The following JDP2 variants were observed in gnomAD, a reference collection of about 807,000 sequenced individuals.
JDP2 encodes the protein Jun dimerization protein 2, also known as progesterone receptor co-activator.
JDP2 carries 9 observed loss-of-function variants against 17.1 expected under a neutral mutation model. The ratio of observed to expected loss-of-function variants is 0.53; its 90% CI spans 0.32 to 0.92. The LOEUF (loss-of-function observed/expected upper bound fraction) is 0.92. JDP2 is among the 40% of genes least tolerant of loss of function. The pLI is 0.04. For missense variants in JDP2, 179 were observed against 220.0 expected, an observed-to-expected ratio of 0.81 and a Z score of 1.18; for synonymous variants, 107 against 95.6, an observed-to-expected ratio of 1.12 and a Z score of -0.69.
chr14:75,468,416 C>G lies in JDP2; in HGVS notation c.307-874C>G, dbSNP rs540070714. 2.0e-5 allele frequency among the ~76,000 whole-genome samples: 3 copies of G among 152,292 alleles called. No individual in the cohort carries two copies. In the East Asian group the frequency reaches 5.8e-4, roughly 29 times the overall value. ...GCTGGCCCTCGAATAAATGCCAAGT[C>G]TCAAAGTTTTCAGACATAATCCAAG... On this transcript the variant is annotated intron_variant, in intron 3 of 3. Coordinates refer to ENST00000651602, the MANE Select transcript of JDP2 (RefSeq NM_001135048.2).
chr14:75,432,339 A>G, intron 1 of JDP2: 1 of 1,551,510 alleles, frequency 6.4e-7, no homozygotes, highest in South Asian at 1.2e-5. Flanking sequence ...GGTAGCAGGT[A>G]CTATGCGCCA....
intron 1 of JDP2, among the ~76,000 whole-genome samples, chr14:75,435,404 ATC>A (rs1326734981): frequency 2.0e-5 from 3 of 152,126 alleles, no homozygotes; most frequent in African/African-American, 7.2e-5. Flanking sequence ...CTAAACCTGG[ATC>A]TCCATGGGGG....
chr14:75,472,689 C>T lies in JDP2; in HGVS notation c.*3214C>T, dbSNP rs1303494300. ...AAAGTGTTTTGTGAAATAAAAGCTC[C>T]CTAAAATGGTAATTATTTTGTCCTC... On this transcript the variant is annotated 3_prime_UTR_variant, in exon 4 of 4. Coordinates refer to ENST00000651602, the MANE Select transcript of JDP2 (RefSeq NM_001135048.2). 6.6e-6 allele frequency: 1 copy of T among 152,164 alleles called. No individual in the cohort carries two copies. Among genetic ancestry groups the T allele is most frequent in the African/African-American group, 2.4e-5 (1 of 41,420 alleles). 9.4% of individuals were successfully genotyped at this position (152,164 alleles called of 1,614,324 possible).
At chr14:75,427,117 C>T (rs1170345113), upstream of JDP2, 2 of 152,484 alleles carry the variant, frequency 1.3e-5, no homozygotes, top group Non-Finnish European at 2.9e-5. This position sits in a 1 kb window ranked among gnomAD's most constrained non-coding sequence, Gnocchi z 4.4. Context: ...TCACCATTTC[C>T]TCTCTAGAAG....
At chr14:75,432,954 C>A (rs1884877357) in intron 1 of JDP2, among the ~76,000 whole-genome samples, 1 of 151,894 alleles carries the variant, frequency 6.6e-6, no homozygotes, top group African/African-American at 2.4e-5. Flanking sequence ...GTAATCCCAG[C>A]ACTTTGGGAG....
chr14:75,464,959 C>T (rs1353839684), intron 3 of JDP2, among the ~76,000 whole-genome samples: 1 of 152,250 alleles, frequency 6.6e-6, no homozygotes, highest in African/African-American at 2.4e-5. Context: ...TGCTATCTCA[C>T]ACTCCCGTGG....
rs577708532 is a variant in JDP2 at position 75,470,508 on chromosome 14, G to T, written c.*1033G>T. The T allele has an allele frequency of 6.6e-6, 1 of 152,538 alleles. No homozygotes were observed. The highest frequency in any genetic ancestry group is 2.1e-4 in the South Asian group (1 of 4,818). 9.4% of individuals were successfully genotyped at this position (152,538 alleles called of 1,614,324 possible). On this transcript the variant is annotated 3_prime_UTR_variant, in exon 4 of 4. Coordinates refer to ENST00000651602, the MANE Select transcript of JDP2 (RefSeq NM_001135048.2). ...GGAATGGGTGCAAGGCCCTCTCAGG[G>T]TCGGAGACTGTTTGGAGCCTCTGCT...
intron 2 of JDP2, among the ~76,000 whole-genome samples, chr14:75,442,801 A>C (rs1023533452): frequency 1.3e-5 from 2 of 152,172 alleles, no homozygotes; most frequent in African/African-American, 4.8e-5. Flanking sequence ...CTGTATAGCT[A>C]GTAGGCTCAG....
intron 1 of JDP2, among the ~76,000 whole-genome samples, chr14:75,434,967 G>T (rs543288043): frequency 6.6e-6 from 1 of 152,180 alleles, no homozygotes; most frequent in Non-Finnish European, 1.5e-5. Context: ...TGCTTTCTGC[G>T]CCAGAAATGA....
chr14:75,451,843 T>G (rs2139976691), intron 2 of JDP2, among the ~76,000 whole-genome samples: 1 of 64,614 alleles, frequency 1.5e-5, no homozygotes, highest in South Asian at 6.2e-4. Context: ...GGACTCAGTT[T>G]CCTCATCTAA....
At chr14:75,458,691 A>G (rs28698696) in intron 2 of JDP2, among the ~76,000 whole-genome samples, 62,258 of 151,852 alleles carry the variant, frequency 0.41, 12,921 homozygotes, top group South Asian at 0.45. Flanking sequence ...CTCAGGAATG[A>G]GATTGCTGGA....
At chr14:75,459,615 A>G (rs191715964) in intron 2 of JDP2, among the ~76,000 whole-genome samples, 35 of 152,348 alleles carry the variant, frequency 2.3e-4, no homozygotes, top group Admixed American at 1.8e-3. Context: ...TTCCTGGCCT[A>G]TAGCCCTTTG....
chr14:75,437,025 A>C (rs1964788), intron 1 of JDP2, among the ~76,000 whole-genome samples: 89,467 of 152,008 alleles, frequency 0.59, 27,480 homozygotes, highest in African/African-American at 0.78. Context: ...GAACTCCTGT[A>C]TCTACTAAAA....
intron 2 of JDP2, among the ~76,000 whole-genome samples, chr14:75,446,772 T>G (rs963797331): frequency 6.6e-6 from 1 of 152,168 alleles, no homozygotes; most frequent in Non-Finnish European, 1.5e-5. Flanking sequence ...TACAAGTTGG[T>G]GAATTGTATA....
At chr14:75,449,133 T>C (rs1407806906) in intron 2 of JDP2, among the ~76,000 whole-genome samples, 1 of 152,144 alleles carries the variant, frequency 6.6e-6, no homozygotes, top group Admixed American at 6.5e-5. Flanking sequence ...TTGAAAGAAA[T>C]TGGATGAAAT....
At position 75,445,121 on chromosome 14, in the gene JDP2, A is replaced by G. The variant is rs60003238; in HGVS notation, c.201+7000A>G. The G allele has an allele frequency of 0.017, 17,090 of 985,078 alleles. 2,313 individuals are homozygous for G. In the African/African-American group the frequency reaches 0.28, roughly 16 times the overall value. 61.0% of individuals were successfully genotyped at this position (985,078 alleles called of 1,614,324 possible). On this transcript the variant is annotated intron_variant, in intron 2 of 3. Transcript: ENST00000651602. ...CGGCAACATGGACTCAGAGTTGGGA[A>G]ACTGAGTCCTCTCCTGGGTGAGGCT... is the stretch of plus-strand genomic sequence containing the variant.
intron 3 of JDP2, among the ~76,000 whole-genome samples, chr14:75,468,184 C>T (rs977837353): frequency 6.6e-6 from 1 of 152,184 alleles, no homozygotes; most frequent in Non-Finnish European, 1.5e-5. Flanking sequence ...TGCTCAATCT[C>T]TTACGCTATC....
intron 1 of JDP2, among the ~76,000 whole-genome samples, chr14:75,429,503 C>T (rs76091175): frequency 0.08 from 12,138 of 152,134 alleles, 1,210 homozygotes; most frequent in African/African-American, 0.23. Flanking sequence ...TTGGTAGAAA[C>T]TGCATTCGCG....
chr14:75,462,151 T>C (rs1367540480), intron 3 of JDP2, among the ~76,000 whole-genome samples: 5 of 152,092 alleles, frequency 3.3e-5, no homozygotes, highest in African/African-American at 1.2e-4. Context: ...GCCCTTTCAT[T>C]TGGAATGTGC....
Sources: gnomAD v4.1 joint callset for allele counts (sites outside exome capture counted in the v4.1 genomes callset) on GRCh38, gnomAD v4.1.1 for gene constraint, Gnocchi (gnomAD v3.1) non-coding constraint, MANE v1.5 for transcripts, NCBI Gene and HGNC (gene_info 2026-07-23, HGNC 2026-07-21) for gene names.